CCDC112: variants seen among roughly 807,000 people sequenced by gnomAD.
CCDC112 encodes coiled-coil domain-containing protein 112.
In CCDC112, 40 loss-of-function variants were observed where a neutral mutation model predicts 66.3. That is an observed-to-expected ratio of 0.60 (90% CI 0.47 to 0.79). The LOEUF is 0.79. Ranked by LOEUF, CCDC112 falls within the 30% of genes least tolerant of loss-of-function variation. The pLI, the probability that CCDC112 is intolerant of heterozygous loss-of-function variation, is 0.00. For missense variants in CCDC112, 659 were observed against 603.8 expected (o/e 1.09, Z -0.96); for synonymous variants, 214 against 197.2 (o/e 1.09, Z -0.71).
At chr5:115,289,576 C>T (rs932669456) in intron 1 of CCDC112, among the ~76,000 whole-genome samples, 6 of 152,268 alleles carry the variant, frequency 3.9e-5, no homozygotes, top group South Asian at 2.1e-4. Context: ...ATTCATGAAT[C>T]GCAAATAAAA....
intron 2 of CCDC112, 138 bp from the exon 3 acceptor site, chr5:115,279,906 A>G: frequency 5.4e-6 from 3 of 560,312 alleles, no homozygotes; most frequent in East Asian, 6.2e-5. Flanking sequence ...TTTGGTTAAT[A>G]AGGCTAAGGA....
At position 115,275,405 on chromosome 5, in the gene CCDC112, T is replaced by G. The variant is rs1749163162; in HGVS notation, c.729A>C (p.Thr243=). The change falls in exon 6 of 10, where the codon ACA becomes ACC. Residue 243 remains threonine (T), a synonymous_variant. Transcript: ENST00000379611. The part of the protein sequence containing the change: ...VLDFEKFLQQ[T]GGRQGAWDDY... ...CATCCCAGGCACCTTGTCGCCCTCC[T>G]GTTTGCTGAAGGAATTTTTCAAAAT... The G allele has an allele frequency of 1.2e-6, 2 of 1,613,952 alleles. No individual in the cohort carries two copies. The highest frequency in any genetic ancestry group is 1.7e-6 in the Non-Finnish European group (2 of 1,179,986).
rs576136440 is a variant in CCDC112 at position 115,292,195 on chromosome 5, C to T, written c.117+4232G>A. On this transcript the variant is annotated intron_variant, in intron 1 of 9. Coordinates refer to ENST00000379611, the MANE Select transcript of CCDC112 (RefSeq NM_001040440.3). ...TCTGTTCATTTTTCTTCATTCTTTT[C>T]TTGCCTCTGTTCTTCAGTCTGGATA... Among the ~76,000 whole-genome samples the T allele has an allele frequency of 7.8e-4, 119 of 152,030 alleles. 2 individuals carry two copies. The highest frequency in any genetic ancestry group is 1.9e-4 in the Non-Finnish European group (13 of 67,956).
intron 5 of CCDC112, 25 bp from the exon 6 acceptor site, chr5:115,275,631 A>C (rs775339761): frequency 1.4e-6 from 2 of 1,468,836 alleles, no homozygotes; most frequent in Non-Finnish European, 1.8e-6. Context: ...ATAAAGTTTG[A>C]ATAAGAAGAC....
intron 4 of CCDC112, 55 bp downstream of exon 4, chr5:115,276,910 G>A: frequency 8.5e-7 from 1 of 1,176,728 alleles, no homozygotes; most frequent in Non-Finnish European, 1.2e-6. Context: ...CTCCATTAAT[G>A]CCAAACAGAA....
rs1181020725 is a variant in CCDC112, at chr5:115,277,019, T to C, written c.397A>G (p.Asn133Asp). The part of the protein sequence containing the change: ...KIQQQLAKIH[N>D]NVKKLQHQLK... ...TGATGCTGAAGTTTCTTTACATTATTATGTATTTTGGCCAATTGTTGCTGG... is the reference window on the plus strand; with the variant it reads ...TGATGCTGAAGTTTCTTTACATTATCATGTATTTTGGCCAATTGTTGCTGG... Residue 133 changes from asparagine (N) to aspartate (D), a missense_variant, in exon 4 of 10, where the codon AAT becomes GAT. Asn to Asp is a conservative substitution (Grantham distance 23). Coordinates refer to ENST00000379611, the MANE Select transcript of CCDC112 (RefSeq NM_001040440.3). The C allele has an allele frequency of 6.2e-7, 1 of 1,610,426 alleles. No homozygotes were observed. Among genetic ancestry groups the C allele is most frequent in the Non-Finnish European group, 8.5e-7 (1 of 1,177,700 alleles).
At chr5:115,296,204 G>T in intron 1 of CCDC112, 2 of 1,278,170 alleles carry the variant, frequency 1.6e-6, no homozygotes, top group Non-Finnish European at 2.0e-6. Flanking sequence ...GCAGAGCCGG[G>T]TTCCCACCCA....
chr5:115,286,282 T>A (rs902154420), intron 1 of CCDC112, among the ~76,000 whole-genome samples: 2 of 152,234 alleles, frequency 1.3e-5, no homozygotes, highest in Admixed American at 6.5e-5. Context: ...AGAATTTATA[T>A]AAATGGGCTC....
chr5:115,277,054 C>T lies in CCDC112; in HGVS notation c.362G>A (p.Arg121Lys), dbSNP rs1278836900. ...GGCCAATTGTTGCTGGATTTTTGCT[C>T]CTATAAGAAAGAAGTATGCACTTTA... is the stretch of plus-strand genomic sequence containing the variant. ...NKLIHSRKTE[R>K]AKIQQQLAKI... Residue 121 changes from arginine to lysine, a missense_variant and splice_region_variant, in exon 4 of 10, where the codon AGA (arginine) becomes AAA (lysine). Arg to Lys is a conservative substitution (Grantham distance 26, BLOSUM62 2). Transcript: ENST00000379611. 2 of 1,581,822 alleles carry T rather than the reference C, an allele frequency of 1.3e-6. No individual in the cohort carries two copies. The highest frequency in any genetic ancestry group is 1.7e-6 in the Non-Finnish European group (2 of 1,152,786).
chr5:115,296,398 A>G, intron 1 of CCDC112, 29 bp downstream of exon 1: 1 of 1,559,702 alleles, frequency 6.4e-7, no homozygotes, highest in African/African-American at 1.4e-5. Flanking sequence ...GCCTGCCGCC[A>G]GAGCAGCTCT....
At chr5:115,295,418 G>C (rs943403026) in intron 1 of CCDC112, among the ~76,000 whole-genome samples, 2 of 151,982 alleles carry the variant, frequency 1.3e-5, no homozygotes, top group Non-Finnish European at 2.9e-5. Context: ...GAGATACTTG[G>C]GACAGAGTTA....
At chr5:115,293,153 A>G (rs1329610528) in intron 1 of CCDC112, among the ~76,000 whole-genome samples, 2 of 152,246 alleles carry the variant, frequency 1.3e-5, no homozygotes, top group African/African-American at 4.8e-5. Context: ...ACAGAGTAGA[A>G]CAATAGTTGC....
intron 2 of CCDC112, among the ~76,000 whole-genome samples, chr5:115,283,597 TTTTA>T (rs1441640292): frequency 2.0e-5 from 3 of 152,154 alleles, no homozygotes; most frequent in Non-Finnish European, 2.9e-5. Context: ...TATATATAAT[TTTTA>T]TTTGTCAGTT....
intron 1 of CCDC112, among the ~76,000 whole-genome samples, chr5:115,285,268 A>C (rs1749628724): frequency 6.6e-6 from 1 of 152,194 alleles, no homozygotes; most frequent in Non-Finnish European, 1.5e-5. Flanking sequence ...CCCTGTCTGA[A>C]GGTCTAGTGA....
chr5:115,271,348 T>C lies in CCDC112; in HGVS notation c.1197A>G (p.Leu399=). Residue 399 remains leucine (L), a synonymous_variant, in exon 7 of 10, where the codon TTA becomes TTG. Transcript: ENST00000379611. The part of the protein sequence containing the change: ...KERQRQFKLK[L]LLESYTQQKK... ...TCTGCTGGGTATAACTTTCTAGTAG[T>C]AATTTTAACTTAAACTGGCGCTGGC... The C allele has an allele frequency of 1.2e-6, 2 of 1,612,666 alleles. No homozygotes were observed. The highest frequency in any genetic ancestry group is 1.7e-6 in the Non-Finnish European group (2 of 1,179,754).
At chr5:115,281,262 A>C (rs1749444873) in intron 2 of CCDC112, among the ~76,000 whole-genome samples, 1 of 152,010 alleles carries the variant, frequency 6.6e-6, no homozygotes, top group Non-Finnish European at 1.5e-5. Flanking sequence ...GACCTCAAGT[A>C]ATCTTCCCTC....
chr5:115,289,741 A>C (rs1253781902), intron 1 of CCDC112, among the ~76,000 whole-genome samples: 1 of 152,192 alleles, frequency 6.6e-6, no homozygotes, highest in African/African-American at 2.4e-5. Flanking sequence ...GCAGCGGCTT[A>C]ATCCCGGCTC....
At chr5:115,295,274 A>G (rs1013887700) in intron 1 of CCDC112, among the ~76,000 whole-genome samples, 8 of 152,264 alleles carry the variant, frequency 5.3e-5, no homozygotes, top group Non-Finnish European at 8.8e-5. Flanking sequence ...GCAGATCAGA[A>G]GACAGAACAT....
chr5:115,272,488 T>G (rs1172759343), intron 6 of CCDC112, among the ~76,000 whole-genome samples: 4 of 152,176 alleles, frequency 2.6e-5, no homozygotes, highest in Non-Finnish European at 5.9e-5. Flanking sequence ...ATCTATAAAA[T>G]GGTAGGTAGG....
Sources: allele counts gnomAD v4.1 joint callset (sites outside exome capture counted in the v4.1 genomes callset), GRCh38; gene constraint gnomAD v4.1.1; transcripts MANE v1.5; gene names NCBI Gene and HGNC (gene_info 2026-07-23, HGNC 2026-07-21).